DLG2: variants seen among roughly 807,000 people sequenced by gnomAD.
The protein encoded by DLG2 is disks large homolog 2.
Under a neutral mutation model 132.5 loss-of-function variants are expected in DLG2, and 45 were observed. The observed-to-expected ratio is 0.34, with a 90% CI of 0.27 to 0.44. DLG2 has a LOEUF of 0.44. Ranked by LOEUF, DLG2 falls within the 20% of genes least tolerant of loss-of-function variation. The pLI is 1.00. For synonymous variants in DLG2, 424 were observed against 419.6 expected, an observed-to-expected ratio of 1.01 and a Z score of -0.13; for missense variants, 1,045 against 1,196.9, an observed-to-expected ratio of 0.87 and a Z score of 1.87.
At chr11:83,600,666 C>A (rs1079415) in intron 19 of DLG2, among the ~76,000 whole-genome samples, 1 of 152,208 alleles carries the variant, frequency 6.6e-6, no homozygotes, top group African/African-American at 2.4e-5. Flanking sequence ...GGGTGCATTA[C>A]TGCCCACACA....
At chr11:85,187,724 G>A (rs991208744) in intron 4 of DLG2, among the ~76,000 whole-genome samples, 2 of 152,082 alleles carry the variant, frequency 1.3e-5, no homozygotes, top group Non-Finnish European at 2.9e-5. Flanking sequence ...GGGAAAAGTA[G>A]TAAGAACCAG....
intron 14 of DLG2, among the ~76,000 whole-genome samples, chr11:83,942,317 T>C (rs1193238335): frequency 6.6e-6 from 1 of 151,782 alleles, no homozygotes; most frequent in Non-Finnish European, 1.5e-5. Flanking sequence ...ACACACCATA[T>C]TATTAAGTGA....
At chr11:83,987,295 C>T (rs2093393511) in intron 11 of DLG2, among the ~76,000 whole-genome samples, 2 of 152,026 alleles carry the variant, frequency 1.3e-5, no homozygotes, top group South Asian at 2.1e-4. Flanking sequence ...AGATTCAATG[C>T]CATCCCCATC....
At chr11:84,188,843 T>C (rs969741483) in intron 8 of DLG2, among the ~76,000 whole-genome samples, 1 of 152,172 alleles carries the variant, frequency 6.6e-6, no homozygotes, top group African/African-American at 2.4e-5. Context: ...GGACAGTCTG[T>C]AGCAAGGCTT....
At chr11:85,374,579 C>A (rs913261319) in intron 3 of DLG2, among the ~76,000 whole-genome samples, 15 of 152,230 alleles carry the variant, frequency 9.9e-5, no homozygotes, top group African/African-American at 3.6e-4. Flanking sequence ...AAACTCCTGA[C>A]CTCAGGTGAT....
At chr11:84,024,643 A>G (rs560324601) in intron 11 of DLG2, among the ~76,000 whole-genome samples, 3 of 152,296 alleles carry the variant, frequency 2.0e-5, no homozygotes, top group African/African-American at 4.8e-5. Flanking sequence ...GTTAAGCAAA[A>G]TAAGTCCAGC....
At position 83,776,855 on chromosome 11, in the gene DLG2, C is replaced by T. The variant is rs544892344; in HGVS notation, c.1825+9835G>A. ...CCGTGGAATGCCTTCTTGACGCTCT[C>T]CTCTAGGTCAGAGCTTTTGTTTGTC... is the stretch of plus-strand genomic sequence containing the variant. On this transcript the variant is annotated intron_variant, in intron 18 of 27. Transcript: ENST00000376104. Among the ~76,000 whole-genome samples the T allele has an allele frequency of 2.5e-3, 379 of 152,344 alleles. 3 individuals are homozygous for T. Among genetic ancestry groups the T allele is most frequent in the South Asian group, 9.3e-3 (45 of 4,824 alleles).
At chr11:85,102,601 A>C (rs747616303) in intron 6 of DLG2, among the ~76,000 whole-genome samples, 1 of 152,016 alleles carries the variant, frequency 6.6e-6, no homozygotes, top group African/African-American at 2.4e-5. Context: ...TTCATAATAA[A>C]AACAACCAAC....
intron 6 of DLG2, among the ~76,000 whole-genome samples, chr11:84,903,353 C>T (rs2091125790): frequency 6.6e-6 from 1 of 152,160 alleles, no homozygotes; most frequent in Non-Finnish European, 1.5e-5. Flanking sequence ...ATATCTCCTA[C>T]CTCCTACTAA....
chr11:83,781,349 T>G (rs143067384), intron 18 of DLG2, among the ~76,000 whole-genome samples: 1 of 152,150 alleles, frequency 6.6e-6, no homozygotes, highest in Non-Finnish European at 1.5e-5. Context: ...CCTTATAACA[T>G]GGACTGAGGC....
chr11:83,644,168 C>T (rs1056963818), intron 18 of DLG2, among the ~76,000 whole-genome samples: 1 of 152,160 alleles, frequency 6.6e-6, no homozygotes, highest in Non-Finnish European at 1.5e-5. Flanking sequence ...ACTCAGCATA[C>T]ATACAACTAT....
intron 7 of DLG2, among the ~76,000 whole-genome samples, chr11:84,281,204 C>G (rs1435457605): frequency 6.6e-6 from 1 of 151,830 alleles, no homozygotes; most frequent in Non-Finnish European, 1.5e-5. Context: ...AATAAAGCAT[C>G]TAAAGAAAAA....
chr11:84,940,242 C>G (rs2049231097), intron 6 of DLG2, among the ~76,000 whole-genome samples: 1 of 152,206 alleles, frequency 6.6e-6, no homozygotes, highest in Non-Finnish European at 1.5e-5. Flanking sequence ...CCCCCGCCTC[C>G]TGGGTTCAAA....
intron 7 of DLG2, among the ~76,000 whole-genome samples, chr11:84,388,535 T>C (rs1026170696): frequency 1.3e-5 from 2 of 152,090 alleles, no homozygotes; most frequent in African/African-American, 4.8e-5. Flanking sequence ...TTTTAATTTA[T>C]AGATTCCTAA....
At chr11:85,242,036 T>C (rs931417809) in intron 4 of DLG2, among the ~76,000 whole-genome samples, 1 of 151,980 alleles carries the variant, frequency 6.6e-6, no homozygotes. Flanking sequence ...ATCATTTATA[T>C]GTCTGTCAGG....
chr11:83,632,529 T>G (rs531100080), intron 19 of DLG2: 1 of 152,346 alleles, frequency 6.6e-6, no homozygotes, highest in East Asian at 1.9e-4. Flanking sequence ...AAGCTTGTCT[T>G]GGAAGAGGAG....
intron 3 of DLG2, among the ~76,000 whole-genome samples, chr11:85,350,325 T>C (rs1309923584): frequency 1.3e-5 from 2 of 152,286 alleles, no homozygotes; most frequent in East Asian, 1.9e-4. Context: ...GTCAGATGAG[T>C]AGATTGCAAA....
At position 83,874,410 on chromosome 11, in the gene DLG2, A is replaced by G; in HGVS notation, c.1565+10T>C. 1 of 1,584,894 alleles carries G rather than the reference A, an allele frequency of 6.3e-7. No individual in the cohort carries two copies. Among genetic ancestry groups the G allele is most frequent in the Non-Finnish European group, 8.6e-7 (1 of 1,161,570 alleles). On this transcript the variant is annotated intron_variant, in intron 16 of 27. Transcript: ENST00000376104. ...TGCACAGTTTAAGAGGTTCTGTATT[A>G]TTATCTTACCCTTCCAGGGAGACGG...
At chr11:84,624,063 GA>G (rs1226733290) in intron 6 of DLG2, among the ~76,000 whole-genome samples, 1 of 152,162 alleles carries the variant, frequency 6.6e-6, no homozygotes, top group Non-Finnish European at 1.5e-5. Context: ...GAAAATCTTT[GA>G]ATAATGTAGG....
Sources: gnomAD v4.1 joint callset for allele counts (sites outside exome capture counted in the v4.1 genomes callset) on GRCh38, gnomAD v4.1.1 for gene constraint, MANE v1.5 for transcripts, NCBI Gene and HGNC (gene_info 2026-07-23, HGNC 2026-07-21) for gene names.